The following PSD3 variants were observed in gnomAD, a reference collection of about 807,000 sequenced individuals.
The protein encoded by PSD3 is pleckstrin and Sec7 domain containing 3, also known as PH and SEC7 domain-containing protein 3.
In PSD3, 49 loss-of-function variants were observed where a neutral mutation model predicts 105.5. The observed-to-expected ratio is 0.46, with a 90% CI of 0.37 to 0.59. The LOEUF (loss-of-function observed/expected upper bound fraction) is 0.59, where lower values mean the gene tolerates loss of function less well. Ranked by LOEUF, PSD3 falls within the 20% of genes least tolerant of loss-of-function variation. The probability of loss-of-function intolerance (pLI) is 0.00; values close to 1 mark genes in which losing one functional copy is unlikely to be tolerated. For missense variants in PSD3, 1,561 were observed against 1,263.8 expected (o/e 1.24, Z -3.57); for synonymous variants, 557 against 457.8 (o/e 1.22, Z -2.77).
At chr8:18,582,205 T>C (rs17126861) in intron 12 of PSD3, among the ~76,000 whole-genome samples, 3,214 of 152,206 alleles carry the variant, frequency 0.021, 126 homozygotes, top group African/African-American at 0.074. Flanking sequence ...TCGAGAGTAG[T>C]TGTCTATGTC....
chr8:18,801,150 G>C, intron 7 of PSD3, 120 bp downstream of exon 7: 1 of 600,522 alleles, frequency 1.7e-6, no homozygotes, highest in Non-Finnish European at 2.9e-6. Flanking sequence ...AAACAGAAGT[G>C]TTAATAGTTA....
At chr8:18,788,625 T>G (rs1266717552) in intron 8 of PSD3, among the ~76,000 whole-genome samples, 2 of 152,182 alleles carry the variant, frequency 1.3e-5, no homozygotes, top group Non-Finnish European at 2.9e-5. Context: ...GTCTGGAAGC[T>G]TTGCGGAAAA....
chr8:18,694,348 C>T (rs923531948), intron 9 of PSD3, among the ~76,000 whole-genome samples: 4 of 152,206 alleles, frequency 2.6e-5, no homozygotes, highest in African/African-American at 7.2e-5. Flanking sequence ...CGGTGGCGCA[C>T]GTCTGTAATC....
At chr8:18,897,569 C>A (rs1819233207) in intron 2 of PSD3, among the ~76,000 whole-genome samples, 1 of 152,140 alleles carries the variant, frequency 6.6e-6, no homozygotes. Context: ...AGGGAATGCA[C>A]TGAATGAGTA....
At chr8:19,013,493 A>G in intron 1 of PSD3, 70 bp downstream of exon 1, 1 of 1,577,094 alleles carries the variant, frequency 6.3e-7, no homozygotes, top group Non-Finnish European at 8.6e-7. Flanking sequence ...CGACAAAGCA[A>G]CACAAACCCC....
upstream of PSD3, chr8:19,013,742 C>G (rs1827068224): frequency 1.1e-5 from 5 of 453,344 alleles, no homozygotes; most frequent in Non-Finnish European, 1.6e-5. Flanking sequence ...CGGAGGCTGG[C>G]GAGGCTGCGA....
At chr8:18,921,705 T>C (rs1272554295) in intron 2 of PSD3, among the ~76,000 whole-genome samples, 1 of 152,048 alleles carries the variant, frequency 6.6e-6, no homozygotes, top group Non-Finnish European at 1.5e-5. Flanking sequence ...ATAATGAAAC[T>C]CACAACTGGA....
intron 4 of PSD3, among the ~76,000 whole-genome samples, chr8:18,828,052 T>TATATATATATA (rs1314116701): frequency 1.8e-5 from 2 of 111,598 alleles, no homozygotes; most frequent in African/African-American, 3.8e-5. Context: ...TATATGTATA[T>TATATATATATA]ATATATATAT....
At chr8:18,957,315 G>T (rs886857480) in intron 1 of PSD3, among the ~76,000 whole-genome samples, 3 of 151,286 alleles carry the variant, frequency 2.0e-5, no homozygotes, top group Non-Finnish European at 4.4e-5. Flanking sequence ...AGGTTATGGT[G>T]AGCGGAGATC....
Position 18,981,815 on chromosome 8 carries a change from G to A in PSD3, c.21+31748C>T, listed in dbSNP as rs540246325. 5.1e-4 allele frequency among the ~76,000 whole-genome samples: 77 copies of A among 152,142 alleles called. 1 individual carries two copies. Among genetic ancestry groups the A allele is most frequent in the Non-Finnish European group, 8.8e-4 (60 of 68,026 alleles). Reference sequence around the variant, plus strand: ...AAAAAAAATACTGACAATCATCTGAGGCTTCAGTAAGTTGTAATCTTTTTG... The same window carrying A: ...AAAAAAAATACTGACAATCATCTGAAGCTTCAGTAAGTTGTAATCTTTTTG... On this transcript the variant is annotated intron_variant, in intron 1 of 15. Transcript: ENST00000327040.
rs116682581 is a variant in PSD3 at position 18,782,052 on chromosome 8, T to C, written c.2083-16514A>G. On this transcript the variant is annotated intron_variant, in intron 8 of 15. Transcript: ENST00000327040. ...ATTTCTATTTAACTTCTTTCTGACA[T>C]CTTTGTTGAATTTCTCATACAGATG... 4.2e-3 allele frequency among the ~76,000 whole-genome samples: 637 copies of C among 152,270 alleles called. 8 individuals are homozygous for C. The highest frequency in any genetic ancestry group is 0.015 in the African/African-American group (614 of 41,556).
intron 8 of PSD3, among the ~76,000 whole-genome samples, chr8:18,766,265 C>T (rs899254211): frequency 6.6e-6 from 1 of 152,088 alleles, no homozygotes; most frequent in Non-Finnish European, 1.5e-5. Context: ...ACCCAGGAGG[C>T]AGAGGTTGCA....
chr8:18,580,547 G>A (rs1411413009), intron 12 of PSD3, among the ~76,000 whole-genome samples: 1 of 151,906 alleles, frequency 6.6e-6, no homozygotes, highest in Non-Finnish European at 1.5e-5. Flanking sequence ...GAGAATCTGT[G>A]TCAAAAAACA....
At chr8:18,636,925 C>A (rs147079489) in intron 10 of PSD3, among the ~76,000 whole-genome samples, 2 of 152,182 alleles carry the variant, frequency 1.3e-5, no homozygotes, top group African/African-American at 4.8e-5. Flanking sequence ...AGTACACTCA[C>A]GTGTATACAC....
Position 18,708,071 on chromosome 8 carries a change from C to T in PSD3, c.2173-52386G>A, listed in dbSNP as rs28670908. Among the ~76,000 whole-genome samples the T allele has an allele frequency of 7.1e-3, 1,086 of 152,294 alleles. 9 individuals are homozygous for T. Among genetic ancestry groups the T allele is most frequent in the African/African-American group, 0.025 (1,045 of 41,564 alleles). Reference sequence around the variant, plus strand: ...TGTAAAGAATATTTATTCACAATCTCGGCAGAGGTACCCAGTCTGATCCTG... The same window carrying T: ...TGTAAAGAATATTTATTCACAATCTTGGCAGAGGTACCCAGTCTGATCCTG... On this transcript the variant is annotated intron_variant, in intron 9 of 15. Coordinates refer to ENST00000327040, the MANE Select transcript of PSD3 (RefSeq NM_015310.4).
chr8:18,695,217 T>G (rs1413022187), intron 9 of PSD3, among the ~76,000 whole-genome samples: 1 of 152,176 alleles, frequency 6.6e-6, no homozygotes, highest in African/African-American at 2.4e-5. Context: ...GATCACAACT[T>G]GGGCTGGCTA....
At chr8:18,884,410 A>T (rs1167819193) in intron 2 of PSD3, among the ~76,000 whole-genome samples, 2 of 152,224 alleles carry the variant, frequency 1.3e-5, no homozygotes, top group Non-Finnish European at 2.9e-5. Flanking sequence ...TAGAAAATAA[A>T]TTTGGTATGA....
chr8:18,920,030 A>AC (rs1820902874), intron 2 of PSD3, among the ~76,000 whole-genome samples: 1 of 147,410 alleles, frequency 6.8e-6, no homozygotes. Flanking sequence ...AAAAAAAAAA[A>AC]ACAATCACAA....
chr8:18,865,639 T>C (rs977231047), intron 4 of PSD3, among the ~76,000 whole-genome samples: 17 of 151,986 alleles, frequency 1.1e-4, no homozygotes, highest in African/African-American at 3.6e-4. Flanking sequence ...CAGCACATGG[T>C]AGGATGACCA....
Sources: allele counts gnomAD v4.1 joint callset (sites outside exome capture counted in the v4.1 genomes callset), GRCh38; gene constraint gnomAD v4.1.1; transcripts MANE v1.5; gene names NCBI Gene and HGNC (gene_info 2026-07-23, HGNC 2026-07-21).